The following CHST9 variants were observed in gnomAD, a reference collection of about 807,000 sequenced individuals.
CHST9 encodes the protein GalNAc-4-sulfotransferase 2.
In CHST9, 41 loss-of-function variants were observed where a neutral mutation model predicts 44.4. The ratio of observed to expected loss-of-function variants is 0.92; its 90% CI spans 0.72 to 1.20. The LOEUF (loss-of-function observed/expected upper bound fraction) is 1.20, where lower values mean the gene tolerates loss of function less well. Among genes scored for constraint, CHST9 ranks in the 50% most tolerant of loss-of-function variants. The pLI, the probability that CHST9 is intolerant of heterozygous loss-of-function variation, is 0.00. For missense variants in CHST9, 504 were observed against 516.5 expected (o/e 0.98, Z 0.23); for synonymous variants, 171 against 178.4 (o/e 0.96, Z 0.33).
At chr18:27,072,182 A>T (rs2057848056) in intron 2 of CHST9, among the ~76,000 whole-genome samples, 2 of 152,188 alleles carry the variant, frequency 1.3e-5, no homozygotes, top group South Asian at 4.1e-4. Flanking sequence ...CTCTGAGAAA[A>T]GTTCTTCCTT....
chr18:26,955,712 A>C (rs1289982278), intron 4 of CHST9, among the ~76,000 whole-genome samples: 1 of 152,146 alleles, frequency 6.6e-6, no homozygotes, highest in Non-Finnish European at 1.5e-5. Flanking sequence ...AGGAAGAGGC[A>C]GGTGATTACT....
intron 2 of CHST9, among the ~76,000 whole-genome samples, chr18:27,102,378 G>C (rs2143754484): frequency 6.6e-6 from 1 of 152,250 alleles, no homozygotes. Context: ...GATGATTAAG[G>C]CTTGAGAAAC....
At chr18:27,048,627 T>C (rs1446071979) in intron 2 of CHST9, 124 bp from the exon 3 acceptor site, 1 of 680,190 alleles carries the variant, frequency 1.5e-6, no homozygotes, top group South Asian at 2.3e-5. Context: ...TCCAGTGTGC[T>C]CCTAGAGATG....
At chr18:27,001,255 C>T (rs1248931588) in intron 4 of CHST9, among the ~76,000 whole-genome samples, 2 of 152,156 alleles carry the variant, frequency 1.3e-5, no homozygotes, top group Non-Finnish European at 2.9e-5. Flanking sequence ...GCCAGACTGA[C>T]TCTAGGACTG....
chr18:27,137,387 T>C (rs190216847), intron 2 of CHST9, among the ~76,000 whole-genome samples: 169 of 138,308 alleles, frequency 1.2e-3, no homozygotes, highest in African/African-American at 4.4e-3. Context: ...GAGGCACTGA[T>C]TGACTGTGGG....
intron 4 of CHST9, among the ~76,000 whole-genome samples, chr18:26,965,136 C>A (rs1432327616): frequency 1.3e-5 from 2 of 152,062 alleles, no homozygotes; most frequent in Non-Finnish European, 2.9e-5. Context: ...AGCATTGGAC[C>A]AGCATTTTTT....
At chr18:27,063,110 G>C (rs964746468) in intron 2 of CHST9, among the ~76,000 whole-genome samples, 1 of 152,184 alleles carries the variant, frequency 6.6e-6, no homozygotes, top group Admixed American at 6.5e-5. Context: ...TGGATTCTCA[G>C]CTCAGTCCCA....
In CHST9 at chr18:26,908,153, T is replaced by A. The variant is rs184376388; in HGVS notation, c.*8106A>T. 2.4e-3 allele frequency: 373 copies of A among 152,710 alleles called. No individual in the cohort carries two copies. The highest frequency in any genetic ancestry group is 7.0e-3 in the South Asian group (34 of 4,836). The allele number at this position is 152,710 out of a possible 1,614,324, so 9.5% of individuals were successfully genotyped here. ...AAAAATGGTGGCAAGGCATGGTGGC[T>A]CATGCCTGTAATCCCAGCACTTTGG... On this transcript the variant is annotated 3_prime_UTR_variant, in exon 6 of 6. Transcript: ENST00000618847.
At chr18:27,177,512 G>A (rs1425891443) in intron 1 of CHST9, among the ~76,000 whole-genome samples, 1 of 151,770 alleles carries the variant, frequency 6.6e-6, no homozygotes, top group African/African-American at 2.4e-5. Context: ...GGGCTTCTTG[G>A]TACTGAAATT....
chr18:27,159,137 G>A (rs905602317), intron 1 of CHST9, among the ~76,000 whole-genome samples: 1 of 151,968 alleles, frequency 6.6e-6, no homozygotes, highest in Admixed American at 6.6e-5. Flanking sequence ...GTCAATTTTG[G>A]CTTTTGTTGC....
chr18:27,172,593 T>C (rs1367983486), intron 1 of CHST9, among the ~76,000 whole-genome samples: 1 of 152,042 alleles, frequency 6.6e-6, no homozygotes, highest in East Asian at 1.9e-4. Context: ...TGATTACTAA[T>C]ATATTTGTCT....
chr18:27,112,961 C>G (rs11083193), intron 2 of CHST9, among the ~76,000 whole-genome samples: 120,409 of 151,938 alleles, frequency 0.79, 47,943 homozygotes, highest in East Asian at 0.92. Context: ...AGGCCGAGGC[C>G]GGTGGATCAT....
chr18:27,110,572 C>T (rs925053210), intron 2 of CHST9, among the ~76,000 whole-genome samples: 3 of 152,088 alleles, frequency 2.0e-5, no homozygotes, highest in Non-Finnish European at 4.4e-5. Flanking sequence ...TAGGATGGTC[C>T]AGCAAGGCCT....
intron 4 of CHST9, among the ~76,000 whole-genome samples, chr18:26,999,765 T>C (rs2056927471): frequency 6.6e-6 from 1 of 152,180 alleles, no homozygotes; most frequent in Non-Finnish European, 1.5e-5. Flanking sequence ...TTAAGTATTG[T>C]AATGTATAAA....
At chr18:27,180,493 A>G (rs1331627598) in intron 1 of CHST9, among the ~76,000 whole-genome samples, 1 of 152,176 alleles carries the variant, frequency 6.6e-6, no homozygotes, top group African/African-American at 2.4e-5. Flanking sequence ...ATGAAAGAAG[A>G]CAGCAAATCA....
chr18:26,995,681 G>A (rs887990336), intron 4 of CHST9, among the ~76,000 whole-genome samples: 3 of 152,102 alleles, frequency 2.0e-5, no homozygotes, highest in Non-Finnish European at 4.4e-5. Flanking sequence ...TGAAAAATAA[G>A]CAAGTGTTTT....
At chr18:27,055,450 G>T (rs2057643784) in intron 2 of CHST9, among the ~76,000 whole-genome samples, 1 of 152,154 alleles carries the variant, frequency 6.6e-6, no homozygotes, top group South Asian at 2.1e-4. Context: ...TTTAAGAGAG[G>T]AAGGAGCTTG....
rs972378738 is a variant in CHST9 at position 26,908,502 on chromosome 18, T to C, written c.*7757A>G. On this transcript the variant is annotated 3_prime_UTR_variant, in exon 6 of 6. Coordinates refer to ENST00000618847, the MANE Select transcript of CHST9 (RefSeq NM_031422.6). ...AAAATGATAAGGTGATAAAATTTTA[T>C]GTTATGTGGATTTTGCCACAATTGA... 6.6e-6 allele frequency: 1 copy of C among 151,992 alleles called. No individual in the cohort carries two copies. The highest frequency in any genetic ancestry group is 2.4e-5 in the African/African-American group (1 of 41,386). The allele number at this position is 151,992 out of a possible 1,614,324, so 9.4% of individuals were successfully genotyped here.
intron 4 of CHST9, among the ~76,000 whole-genome samples, chr18:27,001,570 C>T (rs1388480656): frequency 6.6e-6 from 1 of 151,988 alleles, no homozygotes; most frequent in Non-Finnish European, 1.5e-5. Context: ...GGCTAGTTGG[C>T]CTGCCTCTAA....
Sources: gnomAD v4.1 joint callset for allele counts (sites outside exome capture counted in the v4.1 genomes callset) on GRCh38, gnomAD v4.1.1 for gene constraint, MANE v1.5 for transcripts, NCBI Gene and HGNC (gene_info 2026-07-23, HGNC 2026-07-21) for gene names.